The following ABHD3 variants were observed in gnomAD, a reference collection of about 807,000 sequenced individuals.
The protein encoded by ABHD3 is abhydrolase domain containing 3, phospholipase.
ABHD3 carries 46 observed loss-of-function variants against 48.8 expected under a neutral mutation model. The observed-to-expected ratio is 0.94, with a 90% confidence interval of 0.74 to 1.20. The LOEUF (loss-of-function observed/expected upper bound fraction) is 1.20. ABHD3 is among the 50% of genes most tolerant of loss of function. ABHD3 has a pLI of 0.00. For missense variants in ABHD3, 490 were observed against 497.8 expected, an observed-to-expected ratio of 0.98 and a Z score of 0.15; for synonymous variants, 192 against 183.7, an observed-to-expected ratio of 1.04 and a Z score of -0.36.
intron 4 of ABHD3, chr18:21,683,049 T>C (rs1185140444): frequency 6.6e-6 from 1 of 152,644 alleles, no homozygotes; most frequent in African/African-American, 2.4e-5. Flanking sequence ...CAAGTTCTTA[T>C]AAAGTGTTGA....
intron 3 of ABHD3, among the ~76,000 whole-genome samples, chr18:21,689,549 CAAAAAA>C (rs36011228): frequency 1.2e-4 from 5 of 41,806 alleles, no homozygotes; most frequent in Admixed American, 3.8e-4. Flanking sequence ...AATCTGGTCT[CAAAAAA>C]AAAAAAAAAA....
intron 8 of ABHD3, chr18:21,655,224 T>G (rs2039316192): frequency 6.6e-6 from 1 of 152,118 alleles, no homozygotes; most frequent in South Asian, 2.1e-4. Flanking sequence ...TCAGAATCAT[T>G]TTTTAAATGA....
At position 21,651,065 on chromosome 18, in the gene ABHD3, ACTTGT is replaced by A. The variant is rs2039211637; in HGVS notation, c.*521_*525del. On this transcript the variant is annotated 3_prime_UTR_variant, in exon 9 of 9. Transcript: ENST00000289119. Reference sequence around the variant, plus strand: ...ATAGAAGTCAGTCTAACTTTGTTGCACTTGTCTTTTAAAGTTAGAATACATAAAAG... The same window carrying A: ...ATAGAAGTCAGTCTAACTTTGTTGCACTTTTAAAGTTAGAATACATAAAAG... 6.6e-6 allele frequency: 1 copy of A among 152,186 alleles called. No homozygotes were observed. The highest frequency in any genetic ancestry group is 1.5e-5 in the Non-Finnish European group (1 of 68,038). The allele number at this position is 152,186 out of a possible 1,614,324, so 9.4% of individuals were successfully genotyped here. A position where few individuals can be genotyped will look rare whatever the true frequency, so the allele number is the denominator to read the frequency against.
Position 21,703,753 on chromosome 18 carries a change from G to A in ABHD3, c.163-6C>T, listed in dbSNP as rs190167951. 3.1e-6 allele frequency: 5 copies of A among 1,612,084 alleles called. No homozygotes were observed. The highest frequency in any genetic ancestry group is 4.2e-6 in the Non-Finnish European group (5 of 1,178,520). ...CCGGTCACTAACTGGGGTTTCTGAA[G>A]GGAAAAGCAGTATCAGAGAAGGGCC... is the stretch of plus-strand genomic sequence containing the variant. On this transcript the variant is annotated splice_region_variant and splice_polypyrimidine_tract_variant and intron_variant, in intron 1 of 8. Transcript: ENST00000289119.
chr18:21,698,238 T>C (rs1047728317), intron 3 of ABHD3, among the ~76,000 whole-genome samples: 3 of 151,756 alleles, frequency 2.0e-5, no homozygotes, highest in African/African-American at 7.3e-5. Context: ...CAGCCTGGAG[T>C]GCAATGGTGC....
intron 8 of ABHD3, among the ~76,000 whole-genome samples, chr18:21,653,077 A>AAAAAAAAC (rs772523934): frequency 1.3e-5 from 1 of 76,156 alleles, no homozygotes; most frequent in Non-Finnish European, 2.3e-5. Flanking sequence ...AAAAAAAAAA[A>AAAAAAAAC]AAAGAGCTGG....
Position 21,704,693 on chromosome 18 carries a change from G to A in ABHD3, c.-28C>T, listed in dbSNP as rs749297534. On this transcript the variant is annotated 5_prime_UTR_variant, in exon 1 of 9. Coordinates refer to ENST00000289119, the MANE Select transcript of ABHD3 (RefSeq NM_138340.5). ...CCCCCGAGCGCGGCGCGCGGGTCCT[G>A]CGGCGGGAGGAGAGCCGGCTGGCGA... is the stretch of plus-strand genomic sequence containing the variant. 7.0e-7 allele frequency: 1 copy of A among 1,420,804 alleles called. No homozygotes were observed. The highest frequency in any genetic ancestry group is 9.2e-7 in the Non-Finnish European group (1 of 1,083,894). The allele number at this position is 1,420,804 out of a possible 1,614,324, so 88.0% of individuals were successfully genotyped here. A position where few individuals can be genotyped will look rare whatever the true frequency, so the allele number is the denominator to read the frequency against.
chr18:21,673,255 C>T (rs539517990), intron 4 of ABHD3, among the ~76,000 whole-genome samples: 1 of 152,308 alleles, frequency 6.6e-6, no homozygotes, highest in South Asian at 2.1e-4. Context: ...GGACTCCACC[C>T]TTGACCAAAT....
chr18:21,658,718 A>G (rs1026452950), intron 6 of ABHD3, among the ~76,000 whole-genome samples: 14 of 152,220 alleles, frequency 9.2e-5, no homozygotes, highest in African/African-American at 3.1e-4. Flanking sequence ...CATTTACAAC[A>G]AAGATAATAT....
intron 3 of ABHD3, among the ~76,000 whole-genome samples, chr18:21,696,197 G>A (rs1287143476): frequency 2.7e-5 from 4 of 149,036 alleles, no homozygotes; most frequent in Non-Finnish European, 4.4e-5. Flanking sequence ...AGACTGGAGT[G>A]CAGTGGCGCG....
At position 21,686,872 on chromosome 18, in the gene ABHD3, G is replaced by A. The variant is rs568260076; in HGVS notation, c.510-2907C>T. Among the ~76,000 whole-genome samples the A allele has an allele frequency of 1.8e-4, 27 of 152,264 alleles. 1 individual carries two copies. The South Asian group carries it at 5.4e-3, about 30-fold the overall frequency. ...AGGGAACACTGAACTAAAAGGGCTGGCTGTGAAACTACTATTCCTAAGGCA... is the reference window on the plus strand; with the variant it reads ...AGGGAACACTGAACTAAAAGGGCTGACTGTGAAACTACTATTCCTAAGGCA... On this transcript the variant is annotated intron_variant, in intron 3 of 8. Transcript: ENST00000289119.
At chr18:21,653,880 T>C (rs1287440743) in intron 8 of ABHD3, among the ~76,000 whole-genome samples, 2 of 151,594 alleles carry the variant, frequency 1.3e-5, no homozygotes, top group African/African-American at 4.8e-5. Flanking sequence ...TCACTGTTGT[T>C]GCCCAGGCTG....
At chr18:21,666,609 C>T (rs1456752513) in intron 4 of ABHD3, among the ~76,000 whole-genome samples, 3 of 152,138 alleles carry the variant, frequency 2.0e-5, no homozygotes, top group Non-Finnish European at 4.4e-5. Context: ...GGATTACAGG[C>T]GTGAGCCACT....
intron 3 of ABHD3, among the ~76,000 whole-genome samples, chr18:21,689,205 G>T (rs748735006): frequency 2.0e-5 from 3 of 152,064 alleles, no homozygotes; most frequent in Admixed American, 2.0e-4. Context: ...TTACCTGAGG[G>T]AAGGCAGTAG....
chr18:21,666,339 A>ACC (rs1568143354), intron 4 of ABHD3, among the ~76,000 whole-genome samples: 1 of 152,122 alleles, frequency 6.6e-6, no homozygotes, highest in Admixed American at 6.5e-5. Context: ...GACTACAGGT[A>ACC]CGTACCACCA....
chr18:21,695,793 T>G (rs1165568086), intron 3 of ABHD3, among the ~76,000 whole-genome samples: 2 of 152,184 alleles, frequency 1.3e-5, no homozygotes, highest in Non-Finnish European at 2.9e-5. Context: ...TTTTGTCACT[T>G]ACAGCCAATC....
At chr18:21,699,434 G>T (rs2040457248) in intron 3 of ABHD3, among the ~76,000 whole-genome samples, 1 of 152,112 alleles carries the variant, frequency 6.6e-6, no homozygotes, top group Non-Finnish European at 1.5e-5. Flanking sequence ...GATCATTTTG[G>T]TACCTAAAGA....
chr18:21,658,708 C>T (rs1472548030), intron 6 of ABHD3, among the ~76,000 whole-genome samples: 1 of 152,052 alleles, frequency 6.6e-6, no homozygotes, highest in African/African-American at 2.4e-5. Flanking sequence ...TATTTATATG[C>T]ATTTACAACA....
intron 3 of ABHD3, among the ~76,000 whole-genome samples, chr18:21,698,821 TCCAC>T: frequency 6.6e-6 from 1 of 152,248 alleles, no homozygotes; most frequent in South Asian, 2.1e-4. Context: ...CCTCAGGTGA[TCCAC>T]CCACCTTGGC....
Sources: allele counts gnomAD v4.1 joint callset (sites outside exome capture counted in the v4.1 genomes callset), GRCh38; gene constraint gnomAD v4.1.1; transcripts MANE v1.5; gene names NCBI Gene and HGNC (gene_info 2026-07-23, HGNC 2026-07-21).